The following OGN variants were observed in gnomAD, a reference collection of about 807,000 sequenced individuals.
The protein encoded by OGN is mimecan.
In OGN, 19 loss-of-function variants were observed where a neutral mutation model predicts 30.8. The ratio of observed to expected loss-of-function variants is 0.62; its 90% CI spans 0.43 to 0.90. The LOEUF (loss-of-function observed/expected upper bound fraction) is 0.90, where lower values mean the gene tolerates loss of function less well. Ranked by LOEUF, OGN falls within the 40% of genes least tolerant of loss-of-function variation. The pLI is 0.00. For missense variants in OGN, 283 were observed against 349.7 expected, an observed-to-expected ratio of 0.81 and a Z score of 1.52; for synonymous variants, 126 against 128.3, an observed-to-expected ratio of 0.98 and a Z score of 0.12.
At chr9:92,390,402 T>C (rs552338103) in intron 4 of OGN, among the ~76,000 whole-genome samples, 2 of 152,368 alleles carry the variant, frequency 1.3e-5, no homozygotes, top group Admixed American at 6.5e-5. Flanking sequence ...TTACATTTGA[T>C]TGGAATCATG....
intron 2 of OGN, among the ~76,000 whole-genome samples, chr9:92,402,457 T>G (rs1843155494): frequency 6.6e-6 from 1 of 152,240 alleles, no homozygotes; most frequent in Non-Finnish European, 1.5e-5. Context: ...TTTCTCATTT[T>G]CCAGTGTGTA....
chr9:92,393,853 G>T (rs938749382), intron 3 of OGN, among the ~76,000 whole-genome samples: 6 of 152,016 alleles, frequency 3.9e-5, no homozygotes, highest in Non-Finnish European at 7.4e-5. Context: ...GTTGGCAGAG[G>T]TTTCTCATTT....
At chr9:92,390,862 A>T (rs1489312678) in intron 4 of OGN, among the ~76,000 whole-genome samples, 1 of 152,182 alleles carries the variant, frequency 6.6e-6, no homozygotes, top group Admixed American at 6.5e-5. Flanking sequence ...ACTATAACTC[A>T]TGCCTGAACA....
chr9:92,399,439 T>A (rs749991550), intron 3 of OGN, among the ~76,000 whole-genome samples: 1 of 152,204 alleles, frequency 6.6e-6, no homozygotes, highest in Non-Finnish European at 1.5e-5. Flanking sequence ...AGATCTTTAT[T>A]TTTAGTTATA....
At position 92,385,539 on chromosome 9, in the gene OGN, A is replaced by G; in HGVS notation, c.*81T>C. ...TGAGATACAAGGTTAATATTAAACC[A>G]ATACTTAAGTTCCTTTACTCATTGT... is the stretch of plus-strand genomic sequence containing the variant. On this transcript the variant is annotated 3_prime_UTR_variant, in exon 7 of 7. Transcript: ENST00000375561. 8.3e-7 allele frequency: 1 copy of G among 1,207,676 alleles called. No homozygotes were observed. The highest frequency in any genetic ancestry group is 1.2e-6 in the Non-Finnish European group (1 of 845,916). The allele number at this position is 1,207,676 out of a possible 1,614,324, so 74.8% of individuals were successfully genotyped here.
intron 5 of OGN, among the ~76,000 whole-genome samples, chr9:92,386,880 C>T (rs1842444818): frequency 6.6e-6 from 1 of 151,356 alleles, no homozygotes; most frequent in Non-Finnish European, 1.5e-5. Context: ...CCATGCCCGG[C>T]CTAAAAAAAT....
intron 3 of OGN, among the ~76,000 whole-genome samples, chr9:92,395,677 A>G (rs1473041146): frequency 6.6e-6 from 1 of 152,156 alleles, no homozygotes; most frequent in East Asian, 1.9e-4. Context: ...AACATTTGGT[A>G]TGGTCAGTCT....
chr9:92,401,187 T>G lies in OGN; in HGVS notation c.175-2A>C. On this transcript the variant is annotated splice_acceptor_variant, in intron 2 of 6. Coordinates refer to ENST00000375561, the MANE Select transcript of OGN (RefSeq NM_014057.5). LOFTEE classifies it high-confidence loss of function. ...GGGTATTATCACAGTTTCTTTTTCC[T>G]ATTGGAAAAATAAAAGTTTGTTACC... 1 of 1,381,574 alleles carries G rather than the reference T, an allele frequency of 7.2e-7. No homozygotes were observed. The highest frequency in any genetic ancestry group is 1.0e-6 in the Non-Finnish European group (1 of 976,928). The allele number at this position is 1,381,574 out of a possible 1,614,324, so 85.6% of individuals were successfully genotyped here.
Position 92,389,887 on chromosome 9 carries a change from G to T in OGN, c.597C>A (p.Ile199=), listed in dbSNP as rs1588085274. 6.2e-7 allele frequency: 1 copy of T among 1,612,468 alleles called. No homozygotes were observed. The highest frequency in any genetic ancestry group is 8.5e-7 in the Non-Finnish European group (1 of 1,179,152). ...CATTTGCTTTGATTCCCCTACTCTT[G>T]ATTTTGTTGTATTTTGCATTAAATA... is the stretch of plus-strand genomic sequence containing the variant. ...LTLFNAKYNK[I]KSRGIKANAF... The change falls in exon 5 of 7, where the codon ATC becomes ATA. Residue 199 remains isoleucine, a synonymous_variant. Transcript: ENST00000375561.
At chr9:92,396,031 T>C (rs1389921673) in intron 3 of OGN, among the ~76,000 whole-genome samples, 1 of 152,158 alleles carries the variant, frequency 6.6e-6, no homozygotes, top group Admixed American at 6.5e-5. Flanking sequence ...TGGGCTAATT[T>C]TTATATATGG....
At position 92,384,860 on chromosome 9, in the gene OGN, T is replaced by G. The variant is rs2130876905; in HGVS notation, c.*760A>C. On this transcript the variant is annotated 3_prime_UTR_variant, in exon 7 of 7. Transcript: ENST00000375561. ...ACTTTATCAGAAATGGATGAACTTT[T>G]CATTATTTCTTATAAGCATATTGGT... 1 of 152,524 alleles carries G rather than the reference T, an allele frequency of 6.6e-6. No individual in the cohort carries two copies. Among genetic ancestry groups the G allele is most frequent in the East Asian group, 1.9e-4 (1 of 5,196 alleles). 9.4% of individuals were successfully genotyped at this position (152,524 alleles called of 1,614,324 possible). A position where few individuals can be genotyped will look rare whatever the true frequency, so the allele number is the denominator to read the frequency against.
At chr9:92,397,795 C>G (rs1286216897) in intron 3 of OGN, among the ~76,000 whole-genome samples, 2 of 152,184 alleles carry the variant, frequency 1.3e-5, no homozygotes, top group African/African-American at 4.8e-5. Context: ...AATACACATA[C>G]ATGCAACATA....
intron 6 of OGN, 33 bp downstream of exon 6, chr9:92,386,168 T>C: frequency 1.4e-6 from 2 of 1,446,142 alleles, no homozygotes; most frequent in Non-Finnish European, 1.9e-6. Flanking sequence ...CATAGGTAAT[T>C]AGAGTCAGAT....
chr9:92,393,235 G>T lies in OGN; in HGVS notation c.278C>A (p.Thr93Lys). 1.3e-6 allele frequency: 2 copies of T among 1,569,334 alleles called. No individual in the cohort carries two copies. The highest frequency in any genetic ancestry group is 1.7e-6 in the Non-Finnish European group (2 of 1,157,756). The change falls in exon 4 of 7, where the codon ACG (threonine) becomes AAG (lysine). Residue 93 changes from threonine (T) to lysine (K), a missense_variant. Transcript: ENST00000375561. ...PPKKENDEMPTCLLCVCLSGS... is the reference protein window; with the variant it reads ...PPKKENDEMPKCLLCVCLSGS... Reference sequence around the variant, plus strand: ...ACTTAAACAAACACACAGCAGACACGTGGGCATTTCTAAATTGGGAATAAA... The same window carrying T: ...ACTTAAACAAACACACAGCAGACACTTGGGCATTTCTAAATTGGGAATAAA...
chr9:92,392,624 G>A (rs1842733131), intron 4 of OGN, among the ~76,000 whole-genome samples: 1 of 151,440 alleles, frequency 6.6e-6, no homozygotes, highest in Admixed American at 6.6e-5. Flanking sequence ...CGGGTTGGGG[G>A]GAGGGGGGAG....
chr9:92,386,694 T>G (rs1038585351), intron 5 of OGN, among the ~76,000 whole-genome samples: 1 of 152,158 alleles, frequency 6.6e-6, no homozygotes, highest in African/African-American at 2.4e-5. Flanking sequence ...CTCTGGAGTT[T>G]CCCATCTCAG....
Position 92,403,486 on chromosome 9 carries a change from G to A in OGN, c.-75-4C>T. On this transcript the variant is annotated splice_polypyrimidine_tract_variant and splice_region_variant and intron_variant, in intron 1 of 6. Coordinates refer to ENST00000375561, the MANE Select transcript of OGN (RefSeq NM_014057.5). ...TGGGACAAAACTCTCTTTTTCCCTG[G>A]AAATAAAAATTCAGACCATCGAAGC... The A allele has an allele frequency of 6.6e-7, 1 of 1,505,284 alleles. No individual in the cohort carries two copies. The highest frequency in any genetic ancestry group is 1.4e-5 in the South Asian group (1 of 70,624). 93.2% of individuals were successfully genotyped at this position (1,505,284 alleles called of 1,614,324 possible).
intron 3 of OGN, among the ~76,000 whole-genome samples, chr9:92,397,183 C>A (rs1842925701): frequency 1.3e-5 from 2 of 151,888 alleles, no homozygotes; most frequent in Non-Finnish European, 1.5e-5. Context: ...TCTAAAAAAA[C>A]AAACAAACAA....
intron 5 of OGN, among the ~76,000 whole-genome samples, chr9:92,386,971 C>T (rs778182261): frequency 2.1e-4 from 32 of 150,732 alleles, no homozygotes; most frequent in Middle Eastern, 3.4e-3. Context: ...TGCTGTGAAC[C>T]CAGGAGGCAG....
Sources: gnomAD v4.1 joint callset for allele counts (sites outside exome capture counted in the v4.1 genomes callset) on GRCh38, gnomAD v4.1.1 for gene constraint, MANE v1.5 for transcripts, NCBI Gene and HGNC (gene_info 2026-07-23, HGNC 2026-07-21) for gene names.